Variants in LPP observed in about 807,000 individuals in gnomAD.
LPP encodes the protein LIM domain containing preferred translocation partner in lipoma.
Under a neutral mutation model 60.4 loss-of-function variants are expected in LPP, and 38 were observed. The observed-to-expected ratio is 0.63, with a 90% CI of 0.49 to 0.83. The LOEUF (loss-of-function observed/expected upper bound fraction) is 0.83, where lower values mean the gene tolerates loss of function less well. Ranked by LOEUF, LPP falls within the 40% of genes least tolerant of loss-of-function variation. The pLI is 0.00. For missense variants in LPP, 902 were observed against 783.6 expected (o/e 1.15, Z -1.80); for synonymous variants, 328 against 290.8 (o/e 1.13, Z -1.30).
chr3:188,528,995 T>C (rs2150245848), intron 6 of LPP, among the ~76,000 whole-genome samples: 1 of 152,324 alleles, frequency 6.6e-6, no homozygotes, highest in African/African-American at 2.4e-5. Flanking sequence ...AAAATACACT[T>C]TCGATGTGCC....
At chr3:188,479,037 C>T (rs1255014728) in intron 4 of LPP, among the ~76,000 whole-genome samples, 1 of 152,110 alleles carries the variant, frequency 6.6e-6, no homozygotes, top group Non-Finnish European at 1.5e-5. Context: ...CAGGTGTGAG[C>T]CATGCACCCA....
intron 4 of LPP, among the ~76,000 whole-genome samples, chr3:188,411,531 T>C (rs183655416): frequency 1.7e-4 from 26 of 152,284 alleles, no homozygotes; most frequent in African/African-American, 5.3e-4. Flanking sequence ...TGAAATTATT[T>C]TGGTATATAT....
At chr3:188,279,266 G>C (rs1201130935) in intron 2 of LPP, among the ~76,000 whole-genome samples, 1 of 152,188 alleles carries the variant, frequency 6.6e-6, no homozygotes, top group Non-Finnish European at 1.5e-5. Flanking sequence ...CTGCTGACCA[G>C]CTTCACTGGC....
Position 188,524,897 on chromosome 3 carries a change from G to GTCCT in LPP, c.429+159_429+162dup, listed in dbSNP as rs35581046. The GTCCT allele has an allele frequency of 1.7e-3, 416 of 237,836 alleles. 3 individuals carry two copies. Among genetic ancestry groups the GTCCT allele is most frequent in the African/African-American group, 9.2e-3 (361 of 39,364 alleles). The allele number at this position is 237,836 out of a possible 1,614,324, so 14.7% of individuals were successfully genotyped here. Reference sequence around the variant, plus strand: ...TATTTCCCCTTCCTTCCTTCCGTCCGTCCTTCCTTCCTTCCTTCCTTCCTT... The same window carrying GTCCT: ...TATTTCCCCTTCCTTCCTTCCGTCCGTCCTTCCTTCCTTCCTTCCTTCCTTCCTT... On this transcript the variant is annotated intron_variant, in intron 6 of 11. Transcript: ENST00000617246.
intron 5 of LPP, among the ~76,000 whole-genome samples, chr3:188,510,862 C>A (rs1411434705): frequency 6.6e-6 from 1 of 152,160 alleles, no homozygotes; most frequent in South Asian, 2.1e-4. Flanking sequence ...TCTGATTTCT[C>A]TATTCAGCTA....
intron 5 of LPP, among the ~76,000 whole-genome samples, chr3:188,489,980 A>G (rs960171622): frequency 6.6e-6 from 1 of 152,136 alleles, no homozygotes; most frequent in Non-Finnish European, 1.5e-5. Context: ...CAGGCTTGCT[A>G]ATGTAACTCC....
chr3:188,367,725 T>A (rs1771646798), intron 3 of LPP, among the ~76,000 whole-genome samples: 1 of 152,240 alleles, frequency 6.6e-6, no homozygotes, highest in South Asian at 2.1e-4. Flanking sequence ...CTCTTGCTAT[T>A]ATTTCCACCC....
rs568583605 is a variant in LPP at position 188,863,247 on chromosome 3, G to C, written c.1411-2953G>C. Among the ~76,000 whole-genome samples the C allele has an allele frequency of 9.2e-5, 14 of 152,288 alleles. No individual in the cohort carries two copies. The South Asian group carries it at 1.0e-3, about 11-fold the overall frequency. ...TAATCATTTTTCAAATGAGAAAACT[G>C]AGATCGAAGGAATAAATTATTTACC... On this transcript the variant is annotated intron_variant, in intron 9 of 11. Coordinates refer to ENST00000617246, the MANE Select transcript of LPP (RefSeq NM_001375462.1).
chr3:188,342,548 T>G (rs1763323665), intron 3 of LPP, among the ~76,000 whole-genome samples: 1 of 152,248 alleles, frequency 6.6e-6, no homozygotes, highest in South Asian at 2.1e-4. Flanking sequence ...GTAGTCAATA[T>G]GTAGAATAGT....
At chr3:188,522,660 A>G (rs1819200059) in intron 5 of LPP, among the ~76,000 whole-genome samples, 1 of 151,898 alleles carries the variant, frequency 6.6e-6, no homozygotes, top group Middle Eastern at 3.4e-3. Flanking sequence ...ATGGTGGCAG[A>G]TATTATTTAA....
At chr3:188,410,606 C>CT (rs1275946045) in intron 4 of LPP, among the ~76,000 whole-genome samples, 1 of 152,072 alleles carries the variant, frequency 6.6e-6, no homozygotes, top group African/African-American at 2.4e-5. Context: ...GTTCTCATTT[C>CT]TTTTCACTGA....
rs1720210828 is a variant in LPP, at chr3:188,167,179, A to G, written c.-190+12927A>G. ...ATAACATGATTGTGGAAGGTATTCT[A>G]TGGTCAGTGTAGTAAAGCCTCAAAG... On this transcript the variant is annotated intron_variant, in intron 1 of 11. Transcript: ENST00000617246. 1.3e-5 allele frequency among the ~76,000 whole-genome samples: 2 copies of G among 152,192 alleles called. 1 individual carries two copies. Among genetic ancestry groups the G allele is most frequent in the South Asian group, 4.1e-4 (2 of 4,834 alleles).
At chr3:188,622,188 T>C (rs907645599) in intron 7 of LPP, among the ~76,000 whole-genome samples, 2 of 152,134 alleles carry the variant, frequency 1.3e-5, no homozygotes, top group Non-Finnish European at 2.9e-5. Context: ...TTGCAGACTT[T>C]ATGTTCACAC....
At chr3:188,834,284 A>C (rs1263145333) in intron 9 of LPP, among the ~76,000 whole-genome samples, 1 of 77,184 alleles carries the variant, frequency 1.3e-5, no homozygotes, top group Admixed American at 1.2e-4. Context: ...CATCAAACTT[A>C]TTATTTACCA....
At chr3:188,489,156 T>C (rs1002793209) in intron 5 of LPP, among the ~76,000 whole-genome samples, 1 of 152,220 alleles carries the variant, frequency 6.6e-6, no homozygotes, top group African/African-American at 2.4e-5. Context: ...AAAATGTTTA[T>C]GGGTAATTAT....
Position 188,577,781 on chromosome 3 carries a change from T to TTCC in LPP, c.430-31380_430-31379insTCC, listed in dbSNP as rs1835062805. Among the ~76,000 whole-genome samples, 6 of 104,274 alleles carry TTCC rather than the reference T, an allele frequency of 5.8e-5. No homozygotes were observed. In the South Asian group the frequency reaches 2.2e-3, roughly 37 times the overall value. 68.4% of individuals were successfully genotyped at this position (104,274 alleles called of 152,430 possible). A position where few individuals can be genotyped will look rare whatever the true frequency, so the allele number is the denominator to read the frequency against. ...CCTTCGTTCCTTCCTTCCTTCCTTC[T>TTCC]GTCCTTCCCTTCCCTCCCTCCCTCC... is the stretch of plus-strand genomic sequence containing the variant. On this transcript the variant is annotated intron_variant, in intron 6 of 11. Transcript: ENST00000617246.
intron 9 of LPP, among the ~76,000 whole-genome samples, chr3:188,797,670 A>G (rs1436425305): frequency 6.6e-6 from 1 of 152,172 alleles, no homozygotes; most frequent in Non-Finnish European, 1.5e-5. Context: ...TACATGGCCA[A>G]TTCCAACGTA....
At chr3:188,168,874 G>C (rs1442022542) in intron 1 of LPP, among the ~76,000 whole-genome samples, 1 of 152,196 alleles carries the variant, frequency 6.6e-6, no homozygotes, top group Non-Finnish European at 1.5e-5. Flanking sequence ...AACAACCACT[G>C]AGTATTTAAT....
intron 4 of LPP, among the ~76,000 whole-genome samples, chr3:188,454,744 T>C (rs1797351601): frequency 6.6e-6 from 1 of 152,106 alleles, no homozygotes; most frequent in Admixed American, 6.6e-5. Context: ...GAACCCCTGA[T>C]AAACCCATCA....
Sources: allele counts gnomAD v4.1 joint callset (sites outside exome capture counted in the v4.1 genomes callset), GRCh38; gene constraint gnomAD v4.1.1; transcripts MANE v1.5; gene names NCBI Gene and HGNC (gene_info 2026-07-23, HGNC 2026-07-21).